CADPS2: variants seen among roughly 807,000 people sequenced by gnomAD.
The protein encoded by CADPS2 is calcium dependent secretion activator 2, also known as calcium-dependent secretion activator 2.
In CADPS2, 93 loss-of-function variants were observed where a neutral mutation model predicts 172.5. The ratio of observed to expected loss-of-function variants is 0.54; its 90% confidence interval spans 0.46 to 0.64. The LOEUF is 0.64. CADPS2 is among the 30% of genes least tolerant of loss of function. The pLI, the probability that CADPS2 is intolerant of heterozygous loss-of-function variation, is 0.00. For missense variants in CADPS2, 1,420 were observed against 1,565.9 expected, an observed-to-expected ratio of 0.91 and a Z score of 1.57; for synonymous variants, 546 against 555.2, an observed-to-expected ratio of 0.98 and a Z score of 0.23.
rs768904544 is a variant in CADPS2 at position 122,441,535 on chromosome 7, C to T, written c.2329G>A (p.Ala777Thr). The T allele has an allele frequency of 3.2e-5, 49 of 1,534,600 alleles. 1 individual carries two copies. The Middle Eastern group carries it at 1.2e-3, about 37-fold the overall frequency. Residue 777 changes from alanine to threonine, a missense_variant, in exon 16 of 30, where the codon GCT (alanine) becomes ACT (threonine). Coordinates refer to ENST00000449022, the MANE Select transcript of CADPS2 (RefSeq NM_017954.11). ...ACCCTTTCAAGTAATGAAAGTGTAG[C>T]TTTTAGAGCACCTTCAGGTCGTCCA... ...PFGRPEGALK[A>T]TLSLLERVLM...
chr7:122,526,056 T>C (rs1169080047), intron 8 of CADPS2, among the ~76,000 whole-genome samples: 1 of 152,208 alleles, frequency 6.6e-6, no homozygotes, highest in African/African-American at 2.4e-5. Flanking sequence ...GACACAGCTT[T>C]GCTCTTGTTC....
chr7:122,723,802 G>A (rs2090764773), intron 2 of CADPS2, among the ~76,000 whole-genome samples: 1 of 152,098 alleles, frequency 6.6e-6, no homozygotes, highest in Non-Finnish European at 1.5e-5. Flanking sequence ...TGATAGACTG[G>A]ATTAAGAAAA....
chr7:122,398,667 G>A (rs1351523345), intron 20 of CADPS2, among the ~76,000 whole-genome samples: 1 of 151,900 alleles, frequency 6.6e-6, no homozygotes, highest in Non-Finnish European at 1.5e-5. Context: ...CAGAAAATAT[G>A]AATATGGGCT....
chr7:122,678,016 G>A lies in CADPS2; in HGVS notation c.454-14447C>T, dbSNP rs961573248. 2.8e-4 allele frequency among the ~76,000 whole-genome samples: 43 copies of A among 152,124 alleles called. 1 individual carries two copies. Among genetic ancestry groups the A allele is most frequent in the Admixed American group, 2.2e-3 (34 of 15,276 alleles). On this transcript the variant is annotated intron_variant, in intron 2 of 29. Coordinates refer to ENST00000449022, the MANE Select transcript of CADPS2 (RefSeq NM_017954.11). ...TACCACATCATTGTATGTCTCTCTT[G>A]TTAAGACTGCAAACTGCATCTTTGA...
chr7:122,576,099 C>G (rs144956520), intron 7 of CADPS2, among the ~76,000 whole-genome samples: 4 of 152,148 alleles, frequency 2.6e-5, no homozygotes, highest in Non-Finnish European at 5.9e-5. Context: ...TCTCCTTAGT[C>G]TCCTCTGATT....
At chr7:122,876,740 G>A (rs1292561314) in intron 1 of CADPS2, among the ~76,000 whole-genome samples, 1 of 151,942 alleles carries the variant, frequency 6.6e-6, no homozygotes, top group Non-Finnish European at 1.5e-5. Flanking sequence ...AAGGATATTG[G>A]AAAAATAAGT....
chr7:122,374,115 A>G (rs2042072726), intron 25 of CADPS2, among the ~76,000 whole-genome samples: 1 of 152,210 alleles, frequency 6.6e-6, no homozygotes, highest in Admixed American at 6.5e-5. Flanking sequence ...GTCAGTTGTT[A>G]TGACACACCA....
At chr7:122,415,009 C>T (rs191537391) in intron 18 of CADPS2, among the ~76,000 whole-genome samples, 42 of 152,192 alleles carry the variant, frequency 2.8e-4, no homozygotes, top group Admixed American at 3.9e-4. Flanking sequence ...AAAACTCTTT[C>T]ATTTTTGTTA....
chr7:122,584,046 CTTTA>C (rs1486975875), intron 6 of CADPS2, among the ~76,000 whole-genome samples: 7 of 151,432 alleles, frequency 4.6e-5, no homozygotes, highest in Non-Finnish European at 1.0e-4. Flanking sequence ...TAGGCTAATA[CTTTA>C]TTTAGCCTTT....
At chr7:122,629,497 G>T (rs2076378354) in intron 3 of CADPS2, among the ~76,000 whole-genome samples, 169 bp from the exon 4 acceptor site, 1 of 152,070 alleles carries the variant, frequency 6.6e-6, no homozygotes, top group Non-Finnish European at 1.5e-5. Context: ...TGTTCAATTA[G>T]ATTGGCAGAC....
chr7:122,352,667 A>G (rs1450496111), intron 27 of CADPS2, among the ~76,000 whole-genome samples: 1 of 152,156 alleles, frequency 6.6e-6, no homozygotes. Flanking sequence ...CCATTCCCCG[A>G]GTTCTGTCTG....
chr7:122,827,979 T>C (rs915296901), intron 1 of CADPS2, among the ~76,000 whole-genome samples: 1 of 152,210 alleles, frequency 6.6e-6, no homozygotes, highest in South Asian at 2.1e-4. Flanking sequence ...TGTCTAGTAG[T>C]TCTATCAACA....
At chr7:122,762,789 G>GT (rs951995791) in intron 1 of CADPS2, among the ~76,000 whole-genome samples, 1 of 152,094 alleles carries the variant, frequency 6.6e-6, no homozygotes, top group Non-Finnish European at 1.5e-5. Context: ...TGGGAGCAGT[G>GT]TGTCTCAAAT....
chr7:122,616,608 T>C (rs943874403), intron 5 of CADPS2, among the ~76,000 whole-genome samples: 1 of 152,132 alleles, frequency 6.6e-6, no homozygotes, highest in African/African-American at 2.4e-5. Context: ...TTTTCTCACA[T>C]GGAAATACAT....
At chr7:122,490,308 T>TA (rs2058171548) in intron 10 of CADPS2, 27 bp from the exon 11 acceptor site, 1 of 1,599,580 alleles carries the variant, frequency 6.3e-7, no homozygotes, top group African/African-American at 1.3e-5. Context: ...AAGACATCAT[T>TA]AAAAATTTAT....
intron 17 of CADPS2, among the ~76,000 whole-genome samples, chr7:122,427,629 G>A (rs1023354557): frequency 6.6e-6 from 1 of 152,130 alleles, no homozygotes; most frequent in South Asian, 2.1e-4. Flanking sequence ...TATAGATGAA[G>A]TATGTCAGGC....
chr7:122,440,506 C>A (rs904146059), intron 16 of CADPS2: 4 of 152,146 alleles, frequency 2.6e-5, no homozygotes, highest in Admixed American at 1.3e-4. Context: ...CAATCCACAA[C>A]AATCAGGGAT....
At chr7:122,571,523 C>A (rs1192071024) in intron 7 of CADPS2, among the ~76,000 whole-genome samples, 1 of 152,072 alleles carries the variant, frequency 6.6e-6, no homozygotes, top group Non-Finnish European at 1.5e-5. Flanking sequence ...AGACTCAGGC[C>A]AACTTCTCAG....
At chr7:122,487,322 T>A (rs1332869605) in intron 11 of CADPS2, among the ~76,000 whole-genome samples, 1 of 152,132 alleles carries the variant, frequency 6.6e-6, no homozygotes, top group Non-Finnish European at 1.5e-5. Flanking sequence ...ACATAACTTT[T>A]ATACACACTG....
Sources: allele counts gnomAD v4.1 joint callset (sites outside exome capture counted in the v4.1 genomes callset), GRCh38; gene constraint gnomAD v4.1.1; transcripts MANE v1.5; gene names NCBI Gene and HGNC (gene_info 2026-07-23, HGNC 2026-07-21).